Variants in DLEU7 observed in about 807,000 individuals in gnomAD.
DLEU7 encodes deleted in lymphocytic leukemia 7.
DLEU7 carries 17 observed loss-of-function variants against 16.0 expected under a neutral mutation model. The ratio of observed to expected loss-of-function variants is 1.06; its 90% CI spans 0.73 to 1.59. The LOEUF is 1.59. Among genes scored for constraint, DLEU7 ranks in the 40% most tolerant of loss-of-function variants. The pLI, the probability that DLEU7 is intolerant of heterozygous loss-of-function variation, is 0.00. For synonymous variants in DLEU7, 113 were observed against 139.8 expected (o/e 0.81, Z 1.35); for missense variants, 308 against 314.9 (o/e 0.98, Z 0.17).
At chr13:50,802,553 T>G (rs1311130252) in intron 1 of DLEU7, among the ~76,000 whole-genome samples, 1 of 152,208 alleles carries the variant, frequency 6.6e-6, no homozygotes. Flanking sequence ...ATGCAATATA[T>G]ATCAAAAATT....
At chr13:50,815,105 G>A (rs1274684491) in intron 1 of DLEU7, among the ~76,000 whole-genome samples, 3 of 152,076 alleles carry the variant, frequency 2.0e-5, no homozygotes, top group Non-Finnish European at 4.4e-5. Flanking sequence ...TTGTGACACA[G>A]GTTTGCTAAG....
At chr13:50,756,924 G>T (rs1274040544) in intron 1 of DLEU7, among the ~76,000 whole-genome samples, 2 of 152,122 alleles carry the variant, frequency 1.3e-5, no homozygotes, top group Non-Finnish European at 2.9e-5. Context: ...ATTTTGCTGG[G>T]CTCTCTAAAT....
At chr13:50,758,939 A>G (rs1473954081) in intron 1 of DLEU7, among the ~76,000 whole-genome samples, 1 of 152,228 alleles carries the variant, frequency 6.6e-6, no homozygotes, top group Non-Finnish European at 1.5e-5. Context: ...AAGCAAGGAT[A>G]ATTGGAGCCC....
intron 1 of DLEU7, among the ~76,000 whole-genome samples, chr13:50,815,641 G>A (rs117653021): frequency 0.018 from 2,709 of 152,228 alleles, 38 homozygotes; most frequent in East Asian, 0.037. Flanking sequence ...ATGTAGGAAT[G>A]TTTGCTTCTA....
At chr13:50,824,971 A>C (rs774096558) in intron 1 of DLEU7, among the ~76,000 whole-genome samples, 2 of 152,224 alleles carry the variant, frequency 1.3e-5, no homozygotes, top group Non-Finnish European at 2.9e-5. Context: ...AGCAGTCTCC[A>C]ACATTTTGGC....
At chr13:50,790,586 T>C (rs1875927901) in intron 1 of DLEU7, among the ~76,000 whole-genome samples, 1 of 151,832 alleles carries the variant, frequency 6.6e-6, no homozygotes, top group Admixed American at 6.6e-5. Flanking sequence ...CACACACTGG[T>C]GGAAAGGAGG....
In DLEU7 at chr13:50,716,313, A is replaced by C. The variant is rs1873437432; in HGVS notation, c.460-3073T>G. 2.0e-5 allele frequency among the ~76,000 whole-genome samples: 3 copies of C among 152,326 alleles called. 1 individual carries two copies. The South Asian group carries it at 6.2e-4, about 32-fold the overall frequency. ...GGAACTCAAGCCCTTGTTTCATTGA[A>C]ATGTTTGGTTACAGCTTAATGACCA... On this transcript the variant is annotated intron_variant, in intron 1 of 1. Coordinates refer to the DLEU7 transcript ENST00000400393.
At chr13:50,779,497 C>T (rs559963496) in intron 1 of DLEU7, among the ~76,000 whole-genome samples, 11 of 152,324 alleles carry the variant, frequency 7.2e-5, no homozygotes, top group Admixed American at 2.6e-4. Flanking sequence ...TGTGGTACAT[C>T]TGTAGCAGAG....
chr13:50,801,198 G>A lies in DLEU7; in HGVS notation c.459+41990C>T, dbSNP rs180744395. Among the ~76,000 whole-genome samples, 396 of 152,148 alleles carry A rather than the reference G, an allele frequency of 2.6e-3. 1 individual carries two copies. The highest frequency in any genetic ancestry group is 4.6e-3 in the Non-Finnish European group (312 of 68,002). On this transcript the variant is annotated intron_variant, in intron 1 of 1. Transcript: ENST00000400393. ...ACCAACATGCTCATCTTGGATCCCA[G>A]TACCTCTCAGTGGAGAGGAATTTGG...
chr13:50,766,641 G>T (rs1875119866), intron 1 of DLEU7, among the ~76,000 whole-genome samples: 1 of 151,964 alleles, frequency 6.6e-6, no homozygotes, highest in Admixed American at 6.6e-5. Context: ...ACAGGCTCAG[G>T]AGTCCCTACA....
At chr13:50,711,732 A>G (rs906080750), downstream of DLEU7, 7 of 145,424 alleles carry the variant, frequency 4.8e-5, no homozygotes, top group African/African-American at 1.9e-4. Context: ...CAGGCATTTA[A>G]CAAGTATTAT....
intron 1 of DLEU7, among the ~76,000 whole-genome samples, chr13:50,806,455 TTTAG>T (rs150508737): frequency 0.034 from 5,189 of 152,220 alleles, 294 homozygotes; most frequent in African/African-American, 0.12. Context: ...TTAGTGATTA[TTTAG>T]TTCTCAATGA....
chr13:50,824,009 A>G (rs977889009), intron 1 of DLEU7, among the ~76,000 whole-genome samples: 2 of 152,236 alleles, frequency 1.3e-5, no homozygotes, highest in African/African-American at 4.8e-5. Context: ...ATCTGGGTCA[A>G]TAAATATCAC....
At chr13:50,834,317 C>A (rs1877378833) in intron 1 of DLEU7, among the ~76,000 whole-genome samples, 1 of 151,948 alleles carries the variant, frequency 6.6e-6, no homozygotes, top group Non-Finnish European at 1.5e-5. Context: ...TATCCACAAT[C>A]TACAAGGAAC....
downstream of DLEU7, among the ~76,000 whole-genome samples, chr13:50,819,239 G>A (rs556797367): frequency 8.5e-5 from 13 of 152,230 alleles, no homozygotes; most frequent in Middle Eastern, 3.4e-3. Flanking sequence ...GATGAGAAAC[G>A]TTGTTCTGGC....
At chr13:50,717,580 GT>G (rs113474412) in intron 1 of DLEU7, among the ~76,000 whole-genome samples, 11,943 of 141,584 alleles carry the variant, frequency 0.084, 530 homozygotes, top group East Asian at 0.16. Flanking sequence ...TAGGCTGTGG[GT>G]TTTTTTTTTT....
intron 1 of DLEU7, among the ~76,000 whole-genome samples, chr13:50,792,199 A>G (rs1380129829): frequency 6.6e-6 from 1 of 152,236 alleles, no homozygotes; most frequent in Non-Finnish European, 1.5e-5. Context: ...CATCGATGCC[A>G]GTATTTTGTG....
intron 1 of DLEU7, among the ~76,000 whole-genome samples, chr13:50,788,510 A>T (rs886808666): frequency 6.6e-6 from 1 of 152,188 alleles, no homozygotes; most frequent in Admixed American, 6.5e-5. Context: ...CACTCTAAAT[A>T]CTGAGCCTCC....
chr13:50,744,711 C>T (rs775575381), intron 1 of DLEU7, among the ~76,000 whole-genome samples: 12 of 152,100 alleles, frequency 7.9e-5, no homozygotes, highest in Non-Finnish European at 1.5e-4. Context: ...AGAACTCCTA[C>T]GATTCAGCAA....
Sources: gnomAD v4.1 joint callset for allele counts (sites outside exome capture counted in the v4.1 genomes callset) on GRCh38, gnomAD v4.1.1 for gene constraint, MANE v1.5 for transcripts, NCBI Gene and HGNC (gene_info 2026-07-23, HGNC 2026-07-21) for gene names.